The following MYT1 variants were observed in gnomAD, a reference collection of about 807,000 sequenced individuals.
MYT1 encodes myelin transcription factor I.
MYT1 carries 23 observed loss-of-function variants against 123.0 expected under a neutral mutation model. That is an observed-to-expected ratio of 0.19 (90% CI 0.13 to 0.26). MYT1 has a LOEUF of 0.26. Ranked by LOEUF, MYT1 falls within the 10% of genes least tolerant of loss-of-function variation. MYT1 has a pLI of 1.00. For missense variants in MYT1, 1,125 were observed against 1,472.5 expected (o/e 0.76, Z 3.86); for synonymous variants, 518 against 575.3 (o/e 0.90, Z 1.43).
intron 8 of MYT1, 102 bp from the exon 9 acceptor site, chr20:64,211,946 G>A: frequency 1.0e-6 from 1 of 955,658 alleles, no homozygotes; most frequent in African/African-American, 1.6e-5. Flanking sequence ...GCAGCCTTTG[G>A]ACAAGGCTCC....
At chr20:64,235,629 C>A (rs1370855256) in intron 19 of MYT1, among the ~76,000 whole-genome samples, 3 of 141,282 alleles carry the variant, frequency 2.1e-5, no homozygotes, top group Non-Finnish European at 3.1e-5. Flanking sequence ...TGGTGGGTGA[C>A]CCTGGGCTGG....
intron 19 of MYT1, among the ~76,000 whole-genome samples, chr20:64,234,397 C>T (rs1984434377): frequency 1.3e-5 from 2 of 152,132 alleles, no homozygotes; most frequent in Admixed American, 6.5e-5. Context: ...GGTGCCCTGG[C>T]CCCCCGAGTA....
At chr20:64,235,575 G>T (rs1234805372) in intron 19 of MYT1, among the ~76,000 whole-genome samples, 1 of 146,380 alleles carries the variant, frequency 6.8e-6, no homozygotes, top group Non-Finnish European at 1.5e-5. Context: ...TGGTCATGGT[G>T]TGTGACCCGG....
At chr20:64,215,686 G>C (rs1243841815) in intron 10 of MYT1, among the ~76,000 whole-genome samples, 1 of 151,704 alleles carries the variant, frequency 6.6e-6, no homozygotes, top group African/African-American at 2.4e-5. Flanking sequence ...CTGGTCTCAA[G>C]TGATCCTCCC....
At chr20:64,211,919 C>T in intron 8 of MYT1, 129 bp from the exon 9 acceptor site, 1 of 747,220 alleles carries the variant, frequency 1.3e-6, no homozygotes, top group South Asian at 1.6e-5. Context: ...CTGTGTCCCC[C>T]ACCTGCCTAC....
chr20:64,238,557 T>C (rs1984619374), intron 21 of MYT1, among the ~76,000 whole-genome samples: 1 of 151,682 alleles, frequency 6.6e-6, no homozygotes, highest in Admixed American at 6.6e-5. Context: ...TTCGCTGTCA[T>C]GCACATGTCG....
intron 4 of MYT1, among the ~76,000 whole-genome samples, chr20:64,204,483 C>T (rs924224404): frequency 6.6e-6 from 1 of 152,236 alleles, no homozygotes; most frequent in Non-Finnish European, 1.5e-5. Flanking sequence ...ACACCAGCTA[C>T]AGGCACTGGT....
At chr20:64,181,261 T>A (rs144571295) in intron 1 of MYT1, among the ~76,000 whole-genome samples, 1 of 152,316 alleles carries the variant, frequency 6.6e-6, no homozygotes, top group African/African-American at 2.4e-5. Context: ...TCTAAAAATA[T>A]AATTTCCTTT....
At chr20:64,229,348 C>T (rs891129391) in intron 18 of MYT1, among the ~76,000 whole-genome samples, 1 of 152,148 alleles carries the variant, frequency 6.6e-6, no homozygotes, top group Non-Finnish European at 1.5e-5. Flanking sequence ...ATAAGTGAAT[C>T]GTGCTGCATT....
At chr20:64,216,388 T>C (rs1460013048) in intron 10 of MYT1, among the ~76,000 whole-genome samples, 2 of 152,216 alleles carry the variant, frequency 1.3e-5, no homozygotes, top group African/African-American at 4.8e-5. Context: ...GCATGTAAAA[T>C]CCTGAAGTAT....
intron 1 of MYT1, among the ~76,000 whole-genome samples, chr20:64,181,015 A>G (rs1390711179): frequency 1.3e-5 from 2 of 152,170 alleles, no homozygotes; most frequent in African/African-American, 4.8e-5. Flanking sequence ...CATGCCCTGA[A>G]GTTGAATGTC....
Position 64,205,690 on chromosome 20 carries a change from A to G in MYT1, c.287A>G (p.Asp96Gly). ...GGTGTGGACAGCGACGGCAGTGAGG[A>G]CACTGAGGTGAAGGACGCCTCTGTT... ...GYGVDSDGSE[D>G]TEVKDASVSD... Residue 96 changes from aspartate (D) to glycine (G), a missense_variant, in exon 6 of 23, where the codon GAC becomes GGC. Transcript: ENST00000328439. The G allele has an allele frequency of 6.2e-7, 1 of 1,614,186 alleles. No homozygotes were observed. The highest frequency in any genetic ancestry group is 8.5e-7 in the Non-Finnish European group (1 of 1,180,010).
chr20:64,236,556 T>C lies in MYT1; in HGVS notation c.2899T>C (p.Leu967=). ...ANGSFLTHRS[L]SGCPRATFAG... Reference sequence around the variant, plus strand: ...ATGATATGTGGCCTCTGCTTCCAGTTTGTCAGGCTGTCCCAGAGCAACCTT... The same window carrying C: ...ATGATATGTGGCCTCTGCTTCCAGTCTGTCAGGCTGTCCCAGAGCAACCTT... The change falls in exon 20 of 23, where the codon TTG becomes CTG. Residue 967 remains leucine, a splice_region_variant and synonymous_variant. Transcript: ENST00000328439. 6.2e-7 allele frequency: 1 copy of C among 1,613,390 alleles called. No individual in the cohort carries two copies. Among genetic ancestry groups the C allele is most frequent in the South Asian group, 1.1e-5 (1 of 91,086 alleles).
rs748083901 is a variant in MYT1 at position 64,168,607 on chromosome 20, C to T, written c.-99+3868C>T. ...CCTGCCACCCCTTGTCCTGCAGCACCGGAAGCCTCCACTCAGCAGCCCCAA... is the reference window on the plus strand; with the variant it reads ...CCTGCCACCCCTTGTCCTGCAGCACTGGAAGCCTCCACTCAGCAGCCCCAA... On this transcript the variant is annotated intron_variant, in intron 1 of 22. Transcript: ENST00000328439. This position sits in a 1 kb window ranked among gnomAD's most constrained non-coding sequence, Gnocchi z 6.1. 1.4e-4 allele frequency among the ~76,000 whole-genome samples: 21 copies of T among 152,174 alleles called. No individual in the cohort carries two copies. Among genetic ancestry groups the T allele is most frequent in the Non-Finnish European group, 2.4e-4 (16 of 68,032 alleles).
rs955178620 is a variant in MYT1, at chr20:64,202,528, C to A, written c.87-2507C>A. Among the ~76,000 whole-genome samples the A allele has an allele frequency of 2.6e-5, 4 of 152,092 alleles. No homozygotes were observed. The highest frequency in any genetic ancestry group is 2.0e-4 in the Admixed American group (3 of 15,278). On this transcript the variant is annotated intron_variant, in intron 4 of 22. Coordinates refer to ENST00000328439, the MANE Select transcript of MYT1 (RefSeq NM_004535.3). This position sits in a 1 kb window ranked among gnomAD's most constrained non-coding sequence, Gnocchi z 5.0. ...GAGAGAGAACACGTCTGTAGCTCAC[C>A]CTTCTTCTTCTGGCGCCTTCCTCCT...
Position 64,196,283 on chromosome 20 carries a change from G to A in MYT1, c.1-2579G>A, listed in dbSNP as rs140918558. Among the ~76,000 whole-genome samples, 159 of 152,358 alleles carry A rather than the reference G, an allele frequency of 1.0e-3. 2 individuals carry two copies. Among genetic ancestry groups the A allele is most frequent in the African/African-American group, 3.3e-3 (138 of 41,582 alleles). The stretch of plus-strand genomic sequence containing the variant: ...GGGGCAGAAGGTCTGGGGGGCTGCC[G>A]TCCAGGGATCACCAAGGTGAGCCTG... On this transcript the variant is annotated intron_variant, in intron 2 of 22. Transcript: ENST00000328439. This position sits in a 1 kb window ranked among gnomAD's most constrained non-coding sequence, Gnocchi z 4.3.
intron 18 of MYT1, among the ~76,000 whole-genome samples, chr20:64,228,896 C>T (rs1232277784): frequency 6.6e-6 from 1 of 152,198 alleles, no homozygotes; most frequent in Non-Finnish European, 1.5e-5. Context: ...CGGGACGGGG[C>T]CCTACTATGC....
Position 64,190,224 on chromosome 20 carries a change from C to T in MYT1, c.-1+64C>T. On this transcript the variant is annotated intron_variant, in intron 2 of 22. Transcript: ENST00000328439. The surrounding 1 kb of genome is among the most constrained non-coding windows in gnomAD (Gnocchi z 4.1). ...CCCCATGGCTGCCTGCACAAAGCCTCTCTTCAGCTGCAGGCATGAAGCATG... is the reference window on the plus strand; with the variant it reads ...CCCCATGGCTGCCTGCACAAAGCCTTTCTTCAGCTGCAGGCATGAAGCATG... 1 of 152,626 alleles carries T rather than the reference C, an allele frequency of 6.6e-6. No individual in the cohort carries two copies. Among genetic ancestry groups the T allele is most frequent in the East Asian group, 1.9e-4 (1 of 5,196 alleles). The allele number at this position is 152,626 out of a possible 1,614,324, so 9.5% of individuals were successfully genotyped here.
chr20:64,195,676 G>T (rs934390268), intron 2 of MYT1, among the ~76,000 whole-genome samples: 1 of 152,092 alleles, frequency 6.6e-6, no homozygotes, highest in Admixed American at 6.6e-5. Context: ...GATTACAGAC[G>T]TGAGCCACCG....
Sources: allele counts gnomAD v4.1 joint callset (sites outside exome capture counted in the v4.1 genomes callset), GRCh38; gene constraint gnomAD v4.1.1; non-coding constraint Gnocchi (gnomAD v3.1); transcripts MANE v1.5; gene names NCBI Gene and HGNC (gene_info 2026-07-23, HGNC 2026-07-21).